WNK1: variants seen among roughly 807,000 people sequenced by gnomAD.
WNK1 encodes the protein serine/threonine-protein kinase WNK1.
In WNK1, 38 loss-of-function variants were observed where a neutral mutation model predicts 222.8. That is an observed-to-expected ratio of 0.17 (90% confidence interval 0.13 to 0.22). The LOEUF is 0.22. Ranked by LOEUF, WNK1 falls within the 10% of genes least tolerant of loss-of-function variation. The probability of loss-of-function intolerance (pLI) is 1.00; values close to 1 mark genes in which losing one functional copy is unlikely to be tolerated. For missense variants in WNK1, 2,348 were observed against 2,918.4 expected, an observed-to-expected ratio of 0.80 and a Z score of 4.50; for synonymous variants, 1,090 against 1,092.9, an observed-to-expected ratio of 1.00 and a Z score of 0.05.
At chr12:822,380 A>G (rs1404968003) in intron 2 of WNK1, among the ~76,000 whole-genome samples, 1 of 152,170 alleles carries the variant, frequency 6.6e-6, no homozygotes, top group Non-Finnish European at 1.5e-5. Flanking sequence ...GGCGTAAGCC[A>G]CCGCCCGCAG....
chr12:753,528 G>T lies in WNK1; in HGVS notation c.-38G>T, dbSNP rs1254039201. On this transcript the variant is annotated 5_prime_UTR_variant, in exon 1 of 28. Transcript: ENST00000315939. The surrounding 1 kb of genome is among the most constrained non-coding windows in gnomAD (Gnocchi z 5.2). ...GGCCCTTCACGCCCTTTTCGTTCAC[G>T]AATCCGAGCCCGCTCGCCTCTCTCC... is the stretch of plus-strand genomic sequence containing the variant. 5 of 1,610,490 alleles carry T rather than the reference G, an allele frequency of 3.1e-6. 1 individual carries two copies. In the South Asian group the frequency reaches 4.4e-5, roughly 14 times the overall value.
rs2120948621 is a variant in WNK1 at position 752,976 on chromosome 12, G to C, written c.-590G>C. ...ACCTGTGAGGCCGGTCCCCATCGCTGGGGGCGCGTGTGGGAGGAGGCGGCC... is the reference window on the plus strand; with the variant it reads ...ACCTGTGAGGCCGGTCCCCATCGCTCGGGGCGCGTGTGGGAGGAGGCGGCC... On this transcript the variant is annotated 5_prime_UTR_variant, in exon 1 of 28. Transcript: ENST00000315939. The C allele has an allele frequency of 6.6e-6, 1 of 152,230 alleles. No individual in the cohort carries two copies. Among genetic ancestry groups the C allele is most frequent in the East Asian group, 1.9e-4 (1 of 5,174 alleles). The allele number at this position is 152,230 out of a possible 1,614,324, so 9.4% of individuals were successfully genotyped here.
chr12:811,120 T>C (rs1292865948), intron 1 of WNK1, among the ~76,000 whole-genome samples: 1 of 152,148 alleles, frequency 6.6e-6, no homozygotes, highest in African/African-American at 2.4e-5. Flanking sequence ...GAAGAGAAGG[T>C]TCTAAAAAGC....
chr12:863,566 A>G (rs561596275), intron 8 of WNK1, among the ~76,000 whole-genome samples: 3 of 151,434 alleles, frequency 2.0e-5, no homozygotes, highest in Non-Finnish European at 4.4e-5. Flanking sequence ...TTTTTTTTTA[A>G]AATTTTCTCT....
intron 1 of WNK1, 138 bp from the exon 2 acceptor site, chr12:813,504 T>C (rs1198647162): frequency 2.9e-5 from 25 of 853,164 alleles, no homozygotes; most frequent in Non-Finnish European, 4.6e-5. Flanking sequence ...AATCCAAATC[T>C]ATCATTTATA....
At chr12:859,126 C>A in intron 5 of WNK1, 119 bp from the exon 6 acceptor site, 1 of 844,180 alleles carries the variant, frequency 1.2e-6, no homozygotes, top group Non-Finnish European at 2.0e-6. Flanking sequence ...ATACTTTCCC[C>A]TGTATTTTTT....
chr12:767,659 T>C (rs565426185), intron 1 of WNK1, among the ~76,000 whole-genome samples: 6 of 152,304 alleles, frequency 3.9e-5, no homozygotes, highest in Non-Finnish European at 8.8e-5. Flanking sequence ...GTTGCCTTAC[T>C]CTGTGTGGGT....
Position 753,421 on chromosome 12 carries a change from G to A in WNK1, c.-145G>A. 9.3e-7 allele frequency: 1 copy of A among 1,077,936 alleles called. No homozygotes were observed. The highest frequency in any genetic ancestry group is 1.3e-6 in the Non-Finnish European group (1 of 755,504). The allele number at this position is 1,077,936 out of a possible 1,614,324, so 66.8% of individuals were successfully genotyped here. A position where few individuals can be genotyped will look rare whatever the true frequency, so the allele number is the denominator to read the frequency against. On this transcript the variant is annotated 5_prime_UTR_variant, in exon 1 of 28. Coordinates refer to ENST00000315939, the MANE Select transcript of WNK1 (RefSeq NM_018979.4). The surrounding 1 kb of genome is among the most constrained non-coding windows in gnomAD (Gnocchi z 5.2). ...GTCCGCCTGTCCCTCGTTGCGGCTTGTCGGTGCTGAGTGAGGCGTCGTCCG... is the reference window on the plus strand; with the variant it reads ...GTCCGCCTGTCCCTCGTTGCGGCTTATCGGTGCTGAGTGAGGCGTCGTCCG...
chr12:902,272 C>T (rs1565614873), intron 26 of WNK1, among the ~76,000 whole-genome samples: 1 of 152,064 alleles, frequency 6.6e-6, no homozygotes, highest in African/African-American at 2.4e-5. Flanking sequence ...CACTGCACCC[C>T]AGCCTGAGCG....
chr12:906,260 A>G (rs140239192), intron 26 of WNK1: 2 of 962,872 alleles, frequency 2.1e-6, no homozygotes, highest in Non-Finnish European at 1.2e-6. Flanking sequence ...AAAACAGACA[A>G]GACCATGACT....
intron 1 of WNK1, among the ~76,000 whole-genome samples, chr12:801,308 A>G (rs1367081268): frequency 1.3e-5 from 2 of 152,196 alleles, no homozygotes; most frequent in Non-Finnish European, 1.5e-5. Flanking sequence ...TGTCACGTGT[A>G]TCGCTCTTTG....
chr12:781,438 G>T (rs76116945), intron 1 of WNK1, among the ~76,000 whole-genome samples: 1 of 152,296 alleles, frequency 6.6e-6, no homozygotes, highest in Non-Finnish European at 1.5e-5. Context: ...AATTTTAGCT[G>T]CTGTCACTGT....
chr12:811,463 A>T (rs1946898650), intron 1 of WNK1, among the ~76,000 whole-genome samples: 1 of 152,132 alleles, frequency 6.6e-6, no homozygotes, highest in African/African-American at 2.4e-5. Context: ...TTTCATGTGA[A>T]TTTGAGGGAG....
chr12:795,348 C>G (rs1357045016), intron 1 of WNK1, among the ~76,000 whole-genome samples: 1 of 146,436 alleles, frequency 6.8e-6, no homozygotes, highest in Non-Finnish European at 1.5e-5. Flanking sequence ...GGCTCTGTAT[C>G]CCCCCACCCA....
chr12:766,202 A>T (rs753428267), intron 1 of WNK1, among the ~76,000 whole-genome samples: 1 of 152,234 alleles, frequency 6.6e-6, no homozygotes, highest in Non-Finnish European at 1.5e-5. Context: ...ACCATTATGC[A>T]GTATATCCAT....
chr12:854,288 G>A (rs1159132480), intron 4 of WNK1, among the ~76,000 whole-genome samples: 2 of 150,950 alleles, frequency 1.3e-5, no homozygotes, highest in Non-Finnish European at 3.0e-5. Flanking sequence ...GGAGTTTGAG[G>A]CTGCAGTAAG....
intron 9 of WNK1, among the ~76,000 whole-genome samples, chr12:875,805 T>G (rs1307722312): frequency 6.6e-6 from 1 of 152,146 alleles, no homozygotes; most frequent in African/African-American, 2.4e-5. Context: ...ATGTAGAGTT[T>G]GGGGGAGAGG....
At chr12:853,665 A>C (rs1950561699) in intron 4 of WNK1, among the ~76,000 whole-genome samples, 1 of 152,266 alleles carries the variant, frequency 6.6e-6, no homozygotes, top group South Asian at 2.1e-4. Flanking sequence ...CAGAAGAATC[A>C]GTATACATTT....
At chr12:776,799 TTGTA>T (rs1348575266) in intron 1 of WNK1, among the ~76,000 whole-genome samples, 1 of 152,140 alleles carries the variant, frequency 6.6e-6, no homozygotes. Flanking sequence ...AGAAGTTGCA[TTGTA>T]TGGTTGTCCA....
Sources: allele counts gnomAD v4.1 joint callset (sites outside exome capture counted in the v4.1 genomes callset), GRCh38; gene constraint gnomAD v4.1.1; non-coding constraint Gnocchi (gnomAD v3.1); transcripts MANE v1.5; gene names NCBI Gene and HGNC (gene_info 2026-07-23, HGNC 2026-07-21).